CCDC73: variants seen among roughly 807,000 people sequenced by gnomAD.
CCDC73 encodes the protein coiled-coil domain-containing protein 73.
In CCDC73, 95 loss-of-function variants were observed where a neutral mutation model predicts 116.5. The ratio of observed to expected loss-of-function variants is 0.82; its 90% CI spans 0.69 to 0.97. CCDC73 has a LOEUF of 0.97. Ranked by LOEUF, CCDC73 falls within the 50% of genes least tolerant of loss-of-function variation. The pLI is 0.00. For missense variants in CCDC73, 1,066 were observed against 1,206.8 expected (o/e 0.88, Z 1.73); for synonymous variants, 398 against 401.3 (o/e 0.99, Z 0.10).
In CCDC73 at chr11:32,700,773, T is replaced by TA. The variant is rs771738065; in HGVS notation, c.315+17dup. 19 of 1,302,026 alleles carry TA rather than the reference T, an allele frequency of 1.5e-5. No homozygotes were observed. Among genetic ancestry groups the TA allele is most frequent in the East Asian group, 1.0e-4 (4 of 38,874 alleles). The allele number at this position is 1,302,026 out of a possible 1,614,324, so 80.7% of individuals were successfully genotyped here. ...ATACTTTTTAATAGACAGAAAATTT[T>TA]AAAAAAATTATAAATACCTTTTCTT... On this transcript the variant is annotated intron_variant, in intron 5 of 17. Transcript: ENST00000335185.
chr11:32,779,506 A>T (rs1450869957), intron 1 of CCDC73, among the ~76,000 whole-genome samples: 1 of 152,210 alleles, frequency 6.6e-6, no homozygotes, highest in Non-Finnish European at 1.5e-5. Context: ...TATTGGCTAC[A>T]TTCTCAATAG....
In CCDC73 at chr11:32,749,491, CAT is replaced by C. The variant is rs558098087; in HGVS notation, c.135+10616_135+10617del. On this transcript the variant is annotated intron_variant, in intron 2 of 17. Transcript: ENST00000335185. ...CTATTTTGACTTCTCTGAAAGTTCACATGTCTCTCTTTCTCTGGGACTGGTCC... is the reference window on the plus strand; with the variant it reads ...CTATTTTGACTTCTCTGAAAGTTCACGTCTCTCTTTCTCTGGGACTGGTCC... 2.9e-4 allele frequency among the ~76,000 whole-genome samples: 44 copies of C among 152,214 alleles called. No individual in the cohort carries two copies. The East Asian group carries it at 3.3e-3, about 11-fold the overall frequency.
In CCDC73 at chr11:32,675,632, A is replaced by G; in HGVS notation, c.578T>C (p.Ile193Thr). The G allele has an allele frequency of 2.5e-6, 4 of 1,591,770 alleles. 1 individual carries two copies. The highest frequency in any genetic ancestry group is 2.3e-5 in the East Asian group (1 of 44,370). Residue 193 changes from isoleucine (I) to threonine (T), a missense_variant, in exon 9 of 18, where the codon ATA becomes ACA. Ile to Thr is a moderately conservative substitution (Grantham distance 89). Coordinates refer to ENST00000335185, the MANE Select transcript of CCDC73 (RefSeq NM_001008391.4). ...EKLEQNVREAIQSNKRLSALN... is the reference protein window; with the variant it reads ...EKLEQNVREATQSNKRLSALN... Reference sequence around the variant, plus strand: ...AGCTGAAAGTCTTTTGTTTGATTGTATTGCTTCCCGTACTGCAACATGAAA... The same window carrying G: ...AGCTGAAAGTCTTTTGTTTGATTGTGTTGCTTCCCGTACTGCAACATGAAA...
At position 32,752,282 on chromosome 11, in the gene CCDC73, T is replaced by C. The variant is rs150456427; in HGVS notation, c.135+7827A>G. On this transcript the variant is annotated intron_variant, in intron 2 of 17. Transcript: ENST00000335185. ...TATGGTTCATTGGGAGCCACAAATATAACAGCATCATTTATTTACTGCCTG... is the reference window on the plus strand; with the variant it reads ...TATGGTTCATTGGGAGCCACAAATACAACAGCATCATTTATTTACTGCCTG... Among the ~76,000 whole-genome samples, 666 of 152,318 alleles carry C rather than the reference T, an allele frequency of 4.4e-3. 11 individuals carry two copies. Among genetic ancestry groups the C allele is most frequent in the African/African-American group, 0.015 (630 of 41,584 alleles).
rs553420548 is a variant in CCDC73 at position 32,635,762 on chromosome 11, A to C, written c.1119T>G (p.Ile373Met). 3 of 1,282,152 alleles carry C rather than the reference A, an allele frequency of 2.3e-6. No homozygotes were observed. In the South Asian group the frequency reaches 7.1e-5, roughly 30 times the overall value. 79.4% of individuals were successfully genotyped at this position (1,282,152 alleles called of 1,614,324 possible). Residue 373 changes from isoleucine (I) to methionine (M), a missense_variant, in exon 14 of 18, where the codon ATT becomes ATG. By Grantham distance (10) the Ile-to-Met change is conservative (BLOSUM62 1). Transcript: ENST00000335185. ...NELSSLKETHIKLQEHYNKLC... is the reference protein window; with the variant it reads ...NELSSLKETHMKLQEHYNKLC... The stretch of plus-strand genomic sequence containing the variant: ...ATTTGTTATAATGTTCTTGTAACTT[A>C]ATATGAGTTTCTTTAAGGGATGATA...
Position 32,675,943 on chromosome 11 carries a change from T to C in CCDC73, c.508A>G (p.Thr170Ala), listed in dbSNP as rs762739566. Residue 170 changes from threonine (T) to alanine (A), a missense_variant, in exon 8 of 18, where the codon ACA (threonine) becomes GCA (alanine). By Grantham distance (58) the Thr-to-Ala change is moderately conservative. Transcript: ENST00000335185. ...QLSEIEKYYA[T>A]ITGQFGLVKE... ...ACCAATCCAAATTGACCTGTTATTG[T>C]GGCATAATATTTCTCAATTTCACTC... 3.7e-6 allele frequency: 6 copies of C among 1,609,622 alleles called. No individual in the cohort carries two copies. In the East Asian group the frequency reaches 6.7e-5, roughly 18 times the overall value.
chr11:32,764,639 G>A (rs1053635418), intron 1 of CCDC73, among the ~76,000 whole-genome samples: 8 of 152,276 alleles, frequency 5.3e-5, no homozygotes, highest in African/African-American at 1.7e-4. Flanking sequence ...GGAACAACCA[G>A]TACCAGCCAC....
intron 2 of CCDC73, among the ~76,000 whole-genome samples, chr11:32,723,898 CT>C (rs1407980620): frequency 6.6e-6 from 1 of 151,748 alleles, no homozygotes; most frequent in African/African-American, 2.4e-5. Flanking sequence ...CTTTTAAAAG[CT>C]GCTTAAAGAC....
At chr11:32,605,558 A>G (rs565749887) in intron 17 of CCDC73, 13 of 152,338 alleles carry the variant, frequency 8.5e-5, no homozygotes, top group African/African-American at 3.1e-4. Flanking sequence ...TTTGGCATCC[A>G]AGTACAAATT....
At chr11:32,683,664 G>A in intron 6 of CCDC73, 90 bp from the exon 7 acceptor site, 2 of 741,288 alleles carry the variant, frequency 2.7e-6, no homozygotes, top group East Asian at 5.0e-5. Context: ...TATAAAATGT[G>A]GCATGTATCT....
intron 4 of CCDC73, 59 bp from the exon 5 acceptor site, chr11:32,700,885 G>A: frequency 1.4e-6 from 1 of 723,096 alleles, no homozygotes; most frequent in Non-Finnish European, 2.2e-6. Context: ...GATCTATACT[G>A]GTCACTGAGA....
At chr11:32,654,141 C>A in intron 10 of CCDC73, 104 bp from the exon 11 acceptor site, 1 of 962,106 alleles carries the variant, frequency 1.0e-6, no homozygotes. Flanking sequence ...TATTCCTACC[C>A]CCAGAGTACC....
intron 12 of CCDC73, among the ~76,000 whole-genome samples, chr11:32,642,794 C>G (rs1425030262): frequency 1.3e-5 from 2 of 151,676 alleles, no homozygotes; most frequent in Non-Finnish European, 3.0e-5. Context: ...ATGCCTAATA[C>G]ATTTGGAATC....
chr11:32,633,164 C>G (rs542561066), intron 14 of CCDC73, among the ~76,000 whole-genome samples: 11 of 152,292 alleles, frequency 7.2e-5, no homozygotes, highest in African/African-American at 2.2e-4. Context: ...AGGGATTCCC[C>G]TGCCTCAGCC....
chr11:32,781,685 T>C (rs1049317798), intron 1 of CCDC73, among the ~76,000 whole-genome samples: 1 of 152,176 alleles, frequency 6.6e-6, no homozygotes, highest in Admixed American at 6.5e-5. Flanking sequence ...CCAGGTGCAG[T>C]TGAGAAAGGG....
intron 1 of CCDC73, among the ~76,000 whole-genome samples, chr11:32,782,380 G>A (rs115919854): frequency 0.049 from 7,453 of 152,200 alleles, 200 homozygotes; most frequent in African/African-American, 0.068. Context: ...ACTGTTCTAG[G>A]GAATTTGACC....
At chr11:32,653,283 A>G in intron 11 of CCDC73, 56 bp from the exon 12 acceptor site, 1 of 1,099,420 alleles carries the variant, frequency 9.1e-7, no homozygotes, top group South Asian at 1.4e-5. Flanking sequence ...TATGTTTCTA[A>G]AATCATTCTT....
chr11:32,614,614 C>T lies in CCDC73; in HGVS notation c.1704G>A (p.Glu568=), dbSNP rs1855457604. 1.2e-6 allele frequency: 2 copies of T among 1,611,962 alleles called. No individual in the cohort carries two copies. Among genetic ancestry groups the T allele is most frequent in the South Asian group, 2.2e-5 (2 of 91,024 alleles). ...LDVHHTDVNL[E]VENNKTSFNS... ...TAAATGATGTTTTGTTATTTTCAAC[C>T]TCCAGATTTACATCTGTATGGTGAA... Residue 568 remains glutamate (E), a synonymous_variant, in exon 16 of 18, where the codon GAG becomes GAA. Transcript: ENST00000335185.
rs1302577327 is a variant in CCDC73, at chr11:32,755,905, A to G, written c.135+4204T>C. On this transcript the variant is annotated intron_variant, in intron 2 of 17. Transcript: ENST00000335185. Reference sequence around the variant, plus strand: ...TGTGTATATATCTCCATATATATCTATATATATCTCCATATATATATCTAT... The same window carrying G: ...TGTGTATATATCTCCATATATATCTGTATATATCTCCATATATATATCTAT... Among the ~76,000 whole-genome samples, 83 of 88,216 alleles carry G rather than the reference A, an allele frequency of 9.4e-4. 5 individuals carry two copies. The highest frequency in any genetic ancestry group is 3.0e-3 in the South Asian group (7 of 2,356). 57.9% of individuals were successfully genotyped at this position (88,216 alleles called of 152,430 possible).
Sources: gnomAD v4.1 joint callset for allele counts (sites outside exome capture counted in the v4.1 genomes callset) on GRCh38, gnomAD v4.1.1 for gene constraint, MANE v1.5 for transcripts, NCBI Gene and HGNC (gene_info 2026-07-23, HGNC 2026-07-21) for gene names.